ATP10B: variants seen among roughly 807,000 people sequenced by gnomAD.
ATP10B encodes ATPase phospholipid transporting 10B (putative), also known as phospholipid-transporting ATPase VB.
In ATP10B, 122 loss-of-function variants were observed where a neutral mutation model predicts 141.2. The observed-to-expected ratio is 0.86, with a 90% CI of 0.75 to 1.00. The LOEUF (loss-of-function observed/expected upper bound fraction) is 1.00, where lower values mean the gene tolerates loss of function less well. ATP10B is among the 50% of genes least tolerant of loss of function. The probability of loss-of-function intolerance (pLI) is 0.00; values close to 1 mark genes in which losing one functional copy is unlikely to be tolerated. For missense variants in ATP10B, 1,876 were observed against 1,825.3 expected, an observed-to-expected ratio of 1.03 and a Z score of -0.51; for synonymous variants, 685 against 692.0, an observed-to-expected ratio of 0.99 and a Z score of 0.16.
At chr5:160,873,909 T>G in the ATP10B span, among the ~76,000 whole-genome samples, 1 of 152,222 alleles carries the variant, frequency 6.6e-6, no homozygotes. Flanking sequence ...CGCTGATTGC[T>G]AGCACAGCAG....
At chr5:160,602,793 T>C in intron 20 of ATP10B, 91 bp from the exon 21 acceptor site, 2 of 1,569,656 alleles carry the variant, frequency 1.3e-6, no homozygotes, top group Admixed American at 1.7e-5. Flanking sequence ...GGTCTAGGCC[T>C]ACGGCCAGCA....
chr5:160,752,789 A>G (rs748169178), intron 2 of ATP10B, among the ~76,000 whole-genome samples: 1 of 152,192 alleles, frequency 6.6e-6, no homozygotes, highest in African/African-American at 2.4e-5. Context: ...TCAGTGAAGA[A>G]AGTAACTTTA....
chr5:160,640,549 G>A lies in ATP10B; in HGVS notation c.912C>T (p.Tyr304=), dbSNP rs371610599. ...TGCGCCGCTCAATCTTGCTGCGTTT[G>A]TACCGGGGGCCACTGTTGTTCAGCA... ...KAMLNNSGPR[Y]KRSKIERRMN... is the part of the protein sequence containing the mutation. Residue 304 remains tyrosine (Y), a synonymous_variant, in exon 10 of 26, where the codon TAC becomes TAT. Transcript: ENST00000327245. The A allele has an allele frequency of 4.2e-5, 68 of 1,614,126 alleles. No homozygotes were observed. The African/African-American group carries it at 7.1e-4, about 17-fold the overall frequency.
chr5:160,619,694 C>A (rs753668994), intron 15 of ATP10B, among the ~76,000 whole-genome samples: 3 of 152,138 alleles, frequency 2.0e-5, no homozygotes, highest in African/African-American at 7.2e-5. Flanking sequence ...CGGCTGCACA[C>A]TAATTCATGC....
chr5:160,890,988 C>T, the ATP10B span, among the ~76,000 whole-genome samples: 6 of 139,308 alleles, frequency 4.3e-5, no homozygotes, highest in East Asian at 4.4e-4. Context: ...CATTTGTTTA[C>T]GTGTATGTGT....
intron 3 of ATP10B, among the ~76,000 whole-genome samples, chr5:160,707,926 G>C (rs563677394): frequency 1.3e-5 from 2 of 152,280 alleles, no homozygotes; most frequent in African/African-American, 2.4e-5. Flanking sequence ...ATAGAGTGAT[G>C]TCCCCCGGCT....
intron 2 of ATP10B, among the ~76,000 whole-genome samples, chr5:160,723,154 T>C (rs909526786): frequency 3.3e-5 from 5 of 152,192 alleles, no homozygotes; most frequent in Admixed American, 2.6e-4. Flanking sequence ...TCAAGAGAGA[T>C]GTCCTGGAAA....
At chr5:160,867,837 G>A in the ATP10B span, among the ~76,000 whole-genome samples, 1 of 152,036 alleles carries the variant, frequency 6.6e-6, no homozygotes, top group South Asian at 2.1e-4. Flanking sequence ...AAAAATAAAA[G>A]CATTAAGTAA....
intron 24 of ATP10B, among the ~76,000 whole-genome samples, chr5:160,588,288 A>G (rs1158295582): frequency 1.3e-5 from 2 of 152,142 alleles, no homozygotes; most frequent in African/African-American, 4.8e-5. Context: ...GTTGAATAGG[A>G]GAGGGGGTTT....
chr5:160,651,310 A>T (rs576215539), intron 7 of ATP10B, among the ~76,000 whole-genome samples: 152 of 151,984 alleles, frequency 1.0e-3, no homozygotes, highest in Middle Eastern at 3.4e-3. Context: ...GTAGCTAAGT[A>T]TTTTTTTTAA....
intron 10 of ATP10B, among the ~76,000 whole-genome samples, chr5:160,638,979 G>A (rs1045759714): frequency 1.3e-5 from 2 of 152,226 alleles, no homozygotes; most frequent in East Asian, 1.9e-4. Context: ...CACTCAGCTC[G>A]GGCCACAGAC....
intron 2 of ATP10B, among the ~76,000 whole-genome samples, chr5:160,737,652 C>CA (rs1767214410): frequency 6.6e-6 from 1 of 151,766 alleles, no homozygotes; most frequent in Admixed American, 6.6e-5. Context: ...ATAATAGCCA[C>CA]AAATAAAATG....
At chr5:160,853,397 C>T (rs1225852811), upstream of ATP10B, among the ~76,000 whole-genome samples, 4 of 152,062 alleles carry the variant, frequency 2.6e-5, no homozygotes, top group Non-Finnish European at 5.9e-5. Context: ...CCCCCTTGTG[C>T]CATGGAGGAG....
At chr5:160,898,370 T>C in the ATP10B span, among the ~76,000 whole-genome samples, 1 of 152,186 alleles carries the variant, frequency 6.6e-6, no homozygotes, top group South Asian at 2.1e-4. Context: ...ATGACATTTA[T>C]GCAGTCAACA....
At chr5:160,811,703 A>G (rs1473961934) in intron 1 of ATP10B, among the ~76,000 whole-genome samples, 1 of 152,136 alleles carries the variant, frequency 6.6e-6, no homozygotes, top group East Asian at 1.9e-4. Flanking sequence ...TAGATTTCTA[A>G]GGTTTTTGAC....
intron 1 of ATP10B, among the ~76,000 whole-genome samples, chr5:160,837,381 G>C (rs992005207): frequency 3.9e-5 from 6 of 152,100 alleles, no homozygotes; most frequent in Non-Finnish European, 8.8e-5. Context: ...ACCTGGCATA[G>C]TGCCATGCCG....
intron 6 of ATP10B, among the ~76,000 whole-genome samples, chr5:160,675,347 C>T (rs560735963): frequency 3.9e-5 from 6 of 152,186 alleles, no homozygotes; most frequent in African/African-American, 4.8e-5. Context: ...GATTCTGCCA[C>T]GAGGAAAATT....
At chr5:160,615,803 C>CT (rs1757961742) in intron 17 of ATP10B, 35 bp downstream of exon 17, 3 of 1,597,584 alleles carry the variant, frequency 1.9e-6, no homozygotes, top group African/African-American at 1.3e-5. Context: ...GGCTGCATTC[C>CT]TTTTTTCCTA....
intron 1 of ATP10B, among the ~76,000 whole-genome samples, chr5:160,788,308 C>A (rs1175541678): frequency 6.6e-6 from 1 of 152,144 alleles, no homozygotes; most frequent in Non-Finnish European, 1.5e-5. Context: ...AGCAAGACGC[C>A]CAGGCCTTTG....
Sources: allele counts gnomAD v4.1 joint callset (sites outside exome capture counted in the v4.1 genomes callset), GRCh38; gene constraint gnomAD v4.1.1; transcripts MANE v1.5; gene names NCBI Gene and HGNC (gene_info 2026-07-23, HGNC 2026-07-21).